The following DLG2 variants were observed in gnomAD, a reference collection of about 807,000 sequenced individuals.
DLG2 encodes the protein discs large MAGUK scaffold protein 2.
DLG2 carries 45 observed loss-of-function variants against 132.5 expected under a neutral mutation model. That is an observed-to-expected ratio of 0.34 (90% CI 0.27 to 0.44). The LOEUF (loss-of-function observed/expected upper bound fraction) is 0.44, where lower values mean the gene tolerates loss of function less well. DLG2 is among the 20% of genes least tolerant of loss of function. The probability of loss-of-function intolerance (pLI) is 1.00; values close to 1 mark genes in which losing one functional copy is unlikely to be tolerated. For synonymous variants in DLG2, 424 were observed against 419.6 expected (o/e 1.01, Z -0.13); for missense variants, 1,045 against 1,196.9 (o/e 0.87, Z 1.87).
intron 6 of DLG2, among the ~76,000 whole-genome samples, chr11:84,564,438 C>A (rs781662170): frequency 3.9e-5 from 6 of 152,094 alleles, no homozygotes; most frequent in African/African-American, 1.4e-4. Flanking sequence ...AGATCCCATC[C>A]GAGAATGTAC....
At chr11:84,513,630 T>C (rs1407832561) in intron 7 of DLG2, among the ~76,000 whole-genome samples, 3 of 152,030 alleles carry the variant, frequency 2.0e-5, no homozygotes, top group South Asian at 2.1e-4. Context: ...TGGATATCCA[T>C]ATGCAGAAGA....
At position 83,577,287 on chromosome 11, in the gene DLG2, A is replaced by G. The variant is rs1281211251; in HGVS notation, c.1941-35429T>C. On this transcript the variant is annotated intron_variant, in intron 19 of 27. Coordinates refer to ENST00000376104, the MANE Select transcript of DLG2 (RefSeq NM_001142699.3). Reference sequence around the variant, plus strand: ...TGGGACCTTGTGATAGTCTAAGTTAATACTTAATAAACAATAGAATATATA... The same window carrying G: ...TGGGACCTTGTGATAGTCTAAGTTAGTACTTAATAAACAATAGAATATATA... 2.0e-5 allele frequency among the ~76,000 whole-genome samples: 3 copies of G among 151,404 alleles called. No individual in the cohort carries two copies. In the East Asian group the frequency reaches 5.8e-4, roughly 29 times the overall value.
In DLG2 at chr11:83,835,644, T is replaced by C. The variant is rs537728548; in HGVS notation, c.1566-1874A>G. On this transcript the variant is annotated intron_variant, in intron 16 of 27. Transcript: ENST00000376104. Reference sequence around the variant, plus strand: ...ACTGTTTTAGTTTTCTATTGCTGAATAACAAGTTACCACAAATCTAGCAGG... The same window carrying C: ...ACTGTTTTAGTTTTCTATTGCTGAACAACAAGTTACCACAAATCTAGCAGG... 3.3e-5 allele frequency among the ~76,000 whole-genome samples: 5 copies of C among 152,310 alleles called. No homozygotes were observed. The East Asian group carries it at 9.6e-4, about 29-fold the overall frequency.
At chr11:84,401,692 C>G (rs549075828) in intron 7 of DLG2, among the ~76,000 whole-genome samples, 1 of 152,304 alleles carries the variant, frequency 6.6e-6, no homozygotes, top group Admixed American at 6.5e-5. Flanking sequence ...TTACTACACT[C>G]TAGCTACAGA....
chr11:83,583,160 G>C (rs1043077977), intron 19 of DLG2, among the ~76,000 whole-genome samples: 4 of 152,152 alleles, frequency 2.6e-5, no homozygotes, highest in Non-Finnish European at 5.9e-5. Context: ...ACTTAATTCT[G>C]TTCAACTACC....
chr11:83,582,817 A>C (rs2097005661), intron 19 of DLG2, among the ~76,000 whole-genome samples: 1 of 152,264 alleles, frequency 6.6e-6, no homozygotes, highest in Non-Finnish European at 1.5e-5. Context: ...GTATAGTTAC[A>C]GAGAAATAAT....
Position 84,533,905 on chromosome 11 carries a change from C to CAAAAAAAAAAAA in DLG2, c.519+653_519+664dup, listed in dbSNP as rs558597260. 8.0e-4 allele frequency among the ~76,000 whole-genome samples: 56 copies of CAAAAAAAAAAAA among 70,278 alleles called. 5 individuals carry two copies. The highest frequency in any genetic ancestry group is 1.1e-3 in the African/African-American group (20 of 18,974). 46.1% of individuals were successfully genotyped at this position (70,278 alleles called of 152,430 possible). ...CAAAATCCAGTAGCGCCAGTTCAGCCAAAAAAAAAAAAAAAAAAAAAAAAA... is the reference window on the plus strand; with the variant it reads ...CAAAATCCAGTAGCGCCAGTTCAGCCAAAAAAAAAAAAAAAAAAAAAAAAAAAAAAAAAAAAA... On this transcript the variant is annotated intron_variant, in intron 7 of 27. Transcript: ENST00000376104.
chr11:83,641,509 C>T (rs186441638), intron 18 of DLG2, among the ~76,000 whole-genome samples: 74 of 152,226 alleles, frequency 4.9e-4, no homozygotes, highest in African/African-American at 1.6e-3. Context: ...CAGAAGGGGC[C>T]CAGTCACATT....
At chr11:84,757,222 CA>C (rs1203563320) in intron 6 of DLG2, among the ~76,000 whole-genome samples, 1 of 151,398 alleles carries the variant, frequency 6.6e-6, no homozygotes, top group African/African-American at 2.4e-5. Context: ...CCATCTACTA[CA>C]AAGTATTGAA....
rs886383830 is a variant in DLG2, at chr11:83,499,090, G to A, written c.2194-14862C>T. Among the ~76,000 whole-genome samples, 16 of 152,224 alleles carry A rather than the reference G, an allele frequency of 1.1e-4. No individual in the cohort carries two copies. In the South Asian group the frequency reaches 2.9e-3, roughly 28 times the overall value. On this transcript the variant is annotated intron_variant, in intron 21 of 27. Transcript: ENST00000376104. ...AAAAATTATCCACACAGAAGCCCATGCCTAGATGGCTTTCCTGGTGAATTC... is the reference window on the plus strand; with the variant it reads ...AAAAATTATCCACACAGAAGCCCATACCTAGATGGCTTTCCTGGTGAATTC...
At chr11:85,509,470 G>T (rs562968051) in intron 3 of DLG2, among the ~76,000 whole-genome samples, 7 of 152,158 alleles carry the variant, frequency 4.6e-5, no homozygotes, top group African/African-American at 1.4e-4. Context: ...AGGAGAGCAA[G>T]CAACCAGGAC....
chr11:85,109,030 A>G (rs1336546634), intron 6 of DLG2, among the ~76,000 whole-genome samples: 1 of 147,604 alleles, frequency 6.8e-6, no homozygotes, highest in African/African-American at 2.6e-5. Flanking sequence ...CCAGTTTGGT[A>G]TATCTCCAGT....
intron 6 of DLG2, among the ~76,000 whole-genome samples, chr11:84,591,618 G>T (rs1365546971): frequency 6.6e-6 from 1 of 151,694 alleles, no homozygotes; most frequent in African/African-American, 2.4e-5. Flanking sequence ...TTAAGATCAT[G>T]CCACTGCACT....
At chr11:85,428,716 A>G (rs564667624) in intron 3 of DLG2, among the ~76,000 whole-genome samples, 1 of 152,354 alleles carries the variant, frequency 6.6e-6, no homozygotes, top group South Asian at 2.1e-4. Flanking sequence ...TAATTAAAAG[A>G]ACTAGAGAAG....
chr11:84,325,042 T>G (rs1228426792), intron 7 of DLG2, among the ~76,000 whole-genome samples: 1 of 152,128 alleles, frequency 6.6e-6, no homozygotes, highest in Non-Finnish European at 1.5e-5. Context: ...GGCTGTTACT[T>G]CCAGTACTAT....
intron 3 of DLG2, among the ~76,000 whole-genome samples, chr11:85,531,742 G>T (rs2075224842): frequency 6.6e-6 from 1 of 152,118 alleles, no homozygotes; most frequent in East Asian, 1.9e-4. Context: ...GTGGAGGGGT[G>T]GAGAAAGACA....
chr11:83,923,883 C>T (rs762187079), intron 15 of DLG2, among the ~76,000 whole-genome samples: 3 of 152,028 alleles, frequency 2.0e-5, no homozygotes, highest in Non-Finnish European at 2.9e-5. Flanking sequence ...TAAAACTCTT[C>T]AACAGCTCCC....
intron 8 of DLG2, among the ~76,000 whole-genome samples, chr11:84,233,466 G>T (rs2097121196): frequency 6.6e-6 from 1 of 152,202 alleles, no homozygotes; most frequent in South Asian, 2.1e-4. Context: ...ATAGAAAAGG[G>T]CTAGCTGGGG....
chr11:84,469,850 A>C (rs927745390), intron 7 of DLG2, among the ~76,000 whole-genome samples: 10 of 151,712 alleles, frequency 6.6e-5, no homozygotes, highest in African/African-American at 2.4e-4. Flanking sequence ...TGAACAACAG[A>C]GATACATTCT....
Sources: gnomAD v4.1 joint callset for allele counts (sites outside exome capture counted in the v4.1 genomes callset) on GRCh38, gnomAD v4.1.1 for gene constraint, MANE v1.5 for transcripts, NCBI Gene and HGNC (gene_info 2026-07-23, HGNC 2026-07-21) for gene names.